RGS7: variants seen among roughly 807,000 people sequenced by gnomAD.
RGS7 encodes the protein regulator of G-protein signaling 7.
In RGS7, 27 loss-of-function variants were observed where a neutral mutation model predicts 81.1. The ratio of observed to expected loss-of-function variants is 0.33; its 90% CI spans 0.25 to 0.46. RGS7 has a LOEUF of 0.46. Ranked by LOEUF, RGS7 falls within the 20% of genes least tolerant of loss-of-function variation. The pLI is 1.00. For synonymous variants in RGS7, 208 were observed against 207.7 expected (o/e 1.00, Z -0.01); for missense variants, 396 against 607.4 (o/e 0.65, Z 3.66).
In RGS7 at chr1:240,885,511, G is replaced by A. The variant is rs145421794; in HGVS notation, c.386-15392C>T. Among the ~76,000 whole-genome samples the A allele has an allele frequency of 3.9e-5, 6 of 152,210 alleles. No homozygotes were observed. In the East Asian group the frequency reaches 1.2e-3, roughly 29 times the overall value. On this transcript the variant is annotated intron_variant, in intron 6 of 18. Transcript: ENST00000440928. ...GGAATCAGCCTAAATACACATCAAG[G>A]ACAGATTGGATAAAGAAAATGTGGT...
intron 2 of RGS7, among the ~76,000 whole-genome samples, chr1:241,223,740 T>C (rs1465604044): frequency 6.6e-6 from 1 of 151,958 alleles, no homozygotes; most frequent in Non-Finnish European, 1.5e-5. Context: ...AAATTCTGTT[T>C]GGTATAAAGA....
chr1:240,947,806 T>G (rs1001520198), intron 4 of RGS7, among the ~76,000 whole-genome samples: 19 of 152,228 alleles, frequency 1.2e-4, no homozygotes, highest in African/African-American at 4.6e-4. Flanking sequence ...ATAAAATTCC[T>G]TGTCATAGGC....
chr1:241,238,585 A>G (rs945733940), intron 2 of RGS7, among the ~76,000 whole-genome samples: 2 of 151,938 alleles, frequency 1.3e-5, no homozygotes, highest in African/African-American at 4.8e-5. Context: ...CCAGGGCTGG[A>G]GTGCAGTGGT....
chr1:241,314,763 T>C (rs1170997520), intron 2 of RGS7, among the ~76,000 whole-genome samples: 1 of 152,160 alleles, frequency 6.6e-6, no homozygotes, highest in Non-Finnish European at 1.5e-5. Flanking sequence ...CATCGGAATT[T>C]GTAGGCCAAA....
chr1:241,274,295 T>C (rs1053218338), intron 2 of RGS7, among the ~76,000 whole-genome samples: 17 of 152,210 alleles, frequency 1.1e-4, no homozygotes, highest in African/African-American at 4.1e-4. Flanking sequence ...TTGTTGGATA[T>C]GTAAAAAGAG....
intron 4 of RGS7, among the ~76,000 whole-genome samples, chr1:240,965,860 C>T (rs1168720027): frequency 6.6e-6 from 1 of 152,186 alleles, no homozygotes; most frequent in African/African-American, 2.4e-5. Context: ...TCTTGGACAT[C>T]TGTTAGTAAA....
At chr1:241,167,098 G>C (rs1486119893) in intron 2 of RGS7, among the ~76,000 whole-genome samples, 1 of 152,134 alleles carries the variant, frequency 6.6e-6, no homozygotes, top group Non-Finnish European at 1.5e-5. Flanking sequence ...TAGTTTGTCA[G>C]TCACCAAAAT....
At chr1:241,030,373 T>TATATATATATATATATATATATATAC (rs374223475) in intron 3 of RGS7, among the ~76,000 whole-genome samples, 25 of 135,226 alleles carry the variant, frequency 1.8e-4, no homozygotes, top group African/African-American at 7.1e-4. Flanking sequence ...TATATATATA[T>TATATATATATATATATATATATATAC]ACATACACAC....
chr1:241,111,382 C>T (rs2065499238), intron 2 of RGS7, among the ~76,000 whole-genome samples: 1 of 152,186 alleles, frequency 6.6e-6, no homozygotes, highest in South Asian at 2.1e-4. Context: ...TTGATCCACA[C>T]TATCTCCTCC....
intron 3 of RGS7, among the ~76,000 whole-genome samples, chr1:240,986,039 A>G (rs2148570216): frequency 6.6e-6 from 1 of 152,198 alleles, no homozygotes; most frequent in African/African-American, 2.4e-5. Flanking sequence ...ATATGTAGAA[A>G]ATTGTAGCAT....
intron 3 of RGS7, among the ~76,000 whole-genome samples, chr1:241,066,732 T>C (rs888948723): frequency 6.6e-6 from 1 of 152,228 alleles, no homozygotes; most frequent in African/African-American, 2.4e-5. Context: ...GGTACTTGAA[T>C]GACTTAGAAA....
chr1:241,122,295 A>G (rs774659368), intron 2 of RGS7, among the ~76,000 whole-genome samples: 2 of 152,204 alleles, frequency 1.3e-5, no homozygotes, highest in Non-Finnish European at 2.9e-5. Flanking sequence ...CCTAGTGTGT[A>G]CCACAGATAC....
chr1:241,243,061 C>T (rs60848551), intron 2 of RGS7, among the ~76,000 whole-genome samples: 15,736 of 151,984 alleles, frequency 0.1, 1,057 homozygotes, highest in East Asian at 0.3. Flanking sequence ...TTCTCCTCTC[C>T]CACTCTTATC....
At chr1:240,826,982 G>T in intron 10 of RGS7, 116 bp downstream of exon 10, 1 of 864,108 alleles carries the variant, frequency 1.2e-6, no homozygotes, top group Non-Finnish European at 2.0e-6. Context: ...GGCTGTGGAA[G>T]GCTGGGAAGA....
At chr1:240,891,183 A>AT (rs1391798497) in intron 6 of RGS7, among the ~76,000 whole-genome samples, 2 of 140,964 alleles carry the variant, frequency 1.4e-5, no homozygotes, top group African/African-American at 5.1e-5. Context: ...TAATTTAATT[A>AT]TTTTTTTCCA....
At chr1:240,808,753 T>C (rs1689315248) in intron 14 of RGS7, among the ~76,000 whole-genome samples, 1 of 152,206 alleles carries the variant, frequency 6.6e-6, no homozygotes, top group African/African-American at 2.4e-5. Flanking sequence ...CTTGCACCTG[T>C]GGTCCTAGCT....
intron 2 of RGS7, among the ~76,000 whole-genome samples, chr1:241,318,843 T>C (rs1015540457): frequency 6.6e-6 from 1 of 152,208 alleles, no homozygotes. Context: ...TATATTTTAA[T>C]CATTATAAAG....
At chr1:241,040,486 T>TATTC (rs2060559001) in intron 3 of RGS7, among the ~76,000 whole-genome samples, 1 of 151,588 alleles carries the variant, frequency 6.6e-6, no homozygotes, top group Admixed American at 6.6e-5. Context: ...TCTTTTTATT[T>TATTC]ATTTATTTAT....
chr1:241,171,460 C>T (rs2070728444), intron 2 of RGS7, among the ~76,000 whole-genome samples: 1 of 152,176 alleles, frequency 6.6e-6, no homozygotes, highest in Non-Finnish European at 1.5e-5. Flanking sequence ...TTTCATTTAT[C>T]CATCTATTAA....
Sources: allele counts gnomAD v4.1 joint callset (sites outside exome capture counted in the v4.1 genomes callset), GRCh38; gene constraint gnomAD v4.1.1; transcripts MANE v1.5; gene names NCBI Gene and HGNC (gene_info 2026-07-23, HGNC 2026-07-21).